CSMD2: variants seen among roughly 807,000 people sequenced by gnomAD.
The protein encoded by CSMD2 is CUB and sushi domain-containing protein 2.
In CSMD2, 130 loss-of-function variants were observed where a neutral mutation model predicts 398.5. The ratio of observed to expected loss-of-function variants is 0.33; its 90% CI spans 0.28 to 0.38. The LOEUF is 0.38. Ranked by LOEUF, CSMD2 falls within the 10% of genes least tolerant of loss-of-function variation. The pLI is 1.00. For missense variants in CSMD2, 3,829 were observed against 4,764.9 expected (o/e 0.80, Z 5.78); for synonymous variants, 1,828 against 1,908.5 (o/e 0.96, Z 1.10).
intron 5 of CSMD2, among the ~76,000 whole-genome samples, chr1:33,915,865 G>A (rs1643694497): frequency 6.6e-6 from 1 of 152,206 alleles, no homozygotes; most frequent in African/African-American, 2.4e-5. Flanking sequence ...TCATGGCTTG[G>A]AAGACAGCCT....
intron 3 of CSMD2, among the ~76,000 whole-genome samples, chr1:33,998,751 T>G (rs927563071): frequency 6.6e-5 from 10 of 152,186 alleles, no homozygotes; most frequent in African/African-American, 2.4e-4. Context: ...TAAAATATGA[T>G]TATTAATTTC....
intron 3 of CSMD2, among the ~76,000 whole-genome samples, chr1:33,961,758 C>T (rs549816897): frequency 6.6e-6 from 1 of 152,184 alleles, no homozygotes; most frequent in South Asian, 2.1e-4. Context: ...TCTCTTTCTC[C>T]CTCTCTTGCC....
intron 13 of CSMD2, among the ~76,000 whole-genome samples, chr1:33,755,553 T>A (rs538816066): frequency 6.6e-6 from 1 of 152,380 alleles, no homozygotes; most frequent in East Asian, 1.9e-4. Context: ...TGGGCAATAC[T>A]GGCTGCACAT....
chr1:34,164,614 G>T lies in CSMD2; in HGVS notation c.187+297C>A, dbSNP rs1176108833. ...GAGAAACTGAAGCCACAGACCAGGT[G>T]CCCCGCAACCCCGGGCGGGGATGTC... On this transcript the variant is annotated intron_variant, in intron 1 of 70. Coordinates refer to ENST00000373381, the MANE Select transcript of CSMD2 (RefSeq NM_001281956.2). This position sits in a 1 kb window ranked among gnomAD's most constrained non-coding sequence, Gnocchi z 6.2. 2.6e-5 allele frequency among the ~76,000 whole-genome samples: 4 copies of T among 152,122 alleles called. No individual in the cohort carries two copies. The highest frequency in any genetic ancestry group is 5.9e-5 in the Non-Finnish European group (4 of 68,022).
chr1:33,668,607 C>T (rs1382304202), intron 25 of CSMD2, among the ~76,000 whole-genome samples: 1 of 152,212 alleles, frequency 6.6e-6, no homozygotes, highest in Non-Finnish European at 1.5e-5. Context: ...AGCAGCTCCC[C>T]TGTAGGTGAA....
intron 5 of CSMD2, among the ~76,000 whole-genome samples, chr1:33,854,376 G>A (rs937425460): frequency 1.3e-5 from 2 of 152,234 alleles, no homozygotes. Flanking sequence ...ATGAATGAGA[G>A]CCTGCTGGTG....
intron 55 of CSMD2, 61 bp downstream of exon 55, chr1:33,557,673 A>C: frequency 1.5e-6 from 2 of 1,302,956 alleles, no homozygotes; most frequent in Non-Finnish European, 2.1e-6. Flanking sequence ...CACAGAGGGG[A>C]GGACTGTTCT....
intron 3 of CSMD2, among the ~76,000 whole-genome samples, chr1:34,016,043 G>GTA (rs921338955): frequency 1.5e-4 from 23 of 149,728 alleles, no homozygotes; most frequent in African/African-American, 5.7e-4. Context: ...GTGTGTGTGT[G>GTA]TATGTGTGTA....
In CSMD2 at chr1:33,725,487, T is replaced by C; in HGVS notation, c.2557A>G (p.Thr853Ala). Reference sequence around the variant, plus strand: ...ACCCCGATCAAGGGCGCTGAGTAAGTCCGCCCATCGCGTACTTCCAGGGTG... The same window carrying C: ...ACCCCGATCAAGGGCGCTGAGTAAGCCCGCCCATCGCGTACTTCCAGGGTG... ...YDTLEVRDGRTYSAPLIGVYH... is the reference protein window; with the variant it reads ...YDTLEVRDGRAYSAPLIGVYH... Residue 853 changes from threonine (T) to alanine (A), a missense_variant, in exon 17 of 71, where the codon ACT (threonine) becomes GCT (alanine). Transcript: ENST00000373381. The C allele has an allele frequency of 6.2e-7, 1 of 1,614,222 alleles. No individual in the cohort carries two copies. Among genetic ancestry groups the C allele is most frequent in the Non-Finnish European group, 8.5e-7 (1 of 1,180,034 alleles).
chr1:33,750,024 A>G (rs1647997332), intron 13 of CSMD2, among the ~76,000 whole-genome samples: 1 of 152,224 alleles, frequency 6.6e-6, no homozygotes, highest in Non-Finnish European at 1.5e-5. Context: ...GTGCTAGAAA[A>G]TCAAATTCAG....
intron 26 of CSMD2, among the ~76,000 whole-genome samples, chr1:33,662,548 C>T (rs1644170581): frequency 6.6e-6 from 1 of 152,198 alleles, no homozygotes; most frequent in Non-Finnish European, 1.5e-5. Flanking sequence ...CCTTGAAACA[C>T]TTTCTTTTCT....
chr1:33,719,296 A>G (rs1029362821), intron 19 of CSMD2, among the ~76,000 whole-genome samples: 1 of 152,088 alleles, frequency 6.6e-6, no homozygotes, highest in Non-Finnish European at 1.5e-5. Flanking sequence ...AGCGGGTGAG[A>G]CCCAGTCACA....
intron 3 of CSMD2, among the ~76,000 whole-genome samples, chr1:34,014,171 C>T (rs1647756597): frequency 6.6e-6 from 1 of 152,248 alleles, no homozygotes; most frequent in Non-Finnish European, 1.5e-5. Context: ...TCACCCAGAG[C>T]GCCCCCTGGC....
intron 46 of CSMD2, among the ~76,000 whole-genome samples, chr1:33,586,239 GA>G (rs1392599756): frequency 1.3e-5 from 2 of 152,020 alleles, no homozygotes; most frequent in Non-Finnish European, 2.9e-5. Context: ...TCCCAGGAAT[GA>G]AAAAAAGGCA....
At chr1:33,929,977 C>A (rs969897115) in intron 4 of CSMD2, among the ~76,000 whole-genome samples, 5 of 152,206 alleles carry the variant, frequency 3.3e-5, no homozygotes, top group Non-Finnish European at 5.9e-5. Context: ...TAAGACTTTA[C>A]TTCCTCGTAG....
rs1330311877 is a variant in CSMD2 at position 33,676,769 on chromosome 1, C to T, written c.4053-13677G>A. On this transcript the variant is annotated intron_variant, in intron 25 of 70. Transcript: ENST00000373381. Reference sequence around the variant, plus strand: ...ACTGGTACCAAAACAGAGATATAGACCAATAGAACAGAACAGAGCCCTCAG... The same window carrying T: ...ACTGGTACCAAAACAGAGATATAGATCAATAGAACAGAACAGAGCCCTCAG... Among the ~76,000 whole-genome samples the T allele has an allele frequency of 2.0e-5, 3 of 152,072 alleles. No homozygotes were observed. In the South Asian group the frequency reaches 6.2e-4, roughly 31 times the overall value.
At chr1:34,012,784 T>C (rs1003782186) in intron 3 of CSMD2, among the ~76,000 whole-genome samples, 7 of 152,210 alleles carry the variant, frequency 4.6e-5, no homozygotes, top group Admixed American at 1.3e-4. Context: ...AATAAATATA[T>C]GTTGAATGAA....
chr1:33,624,281 C>T lies in CSMD2; in HGVS notation c.5625+238G>A, dbSNP rs940792102. 3.3e-5 allele frequency among the ~76,000 whole-genome samples: 5 copies of T among 152,302 alleles called. No homozygotes were observed. The highest frequency in any genetic ancestry group is 1.5e-5 in the Non-Finnish European group (1 of 68,026). ...CCTTCCTGGGTTACCCGACTCCCAC[C>T]GCATGTCCCTGAAGCTCTTGGGGCC... On this transcript the variant is annotated intron_variant, in intron 35 of 70. Transcript: ENST00000373381. The surrounding 1 kb of genome is among the most constrained non-coding windows in gnomAD (Gnocchi z 4.7).
Position 33,847,470 on chromosome 1 carries a change from C to T in CSMD2, c.921-474G>A, listed in dbSNP as rs1050319689. On this transcript the variant is annotated intron_variant, in intron 5 of 70. Transcript: ENST00000373381. Reference sequence around the variant, plus strand: ...GATTTGGGTTCTTATCCAGGTTTCACCAGTGTGACCTTGGACCTGTTACTT... The same window carrying T: ...GATTTGGGTTCTTATCCAGGTTTCATCAGTGTGACCTTGGACCTGTTACTT... 4.6e-4 allele frequency among the ~76,000 whole-genome samples: 70 copies of T among 151,894 alleles called. 1 individual carries two copies. Among genetic ancestry groups the T allele is most frequent in the Admixed American group, 4.6e-3 (70 of 15,254 alleles).
Sources: gnomAD v4.1 joint callset for allele counts (sites outside exome capture counted in the v4.1 genomes callset) on GRCh38, gnomAD v4.1.1 for gene constraint, Gnocchi (gnomAD v3.1) non-coding constraint, MANE v1.5 for transcripts, NCBI Gene and HGNC (gene_info 2026-07-23, HGNC 2026-07-21) for gene names.